Variants in MIAT observed in about 807,000 individuals in gnomAD.
MIAT encodes myocardial infarction associated transcript.
At chr22:26,662,166 A>T (rs576793120) in intron 2 of MIAT, among the ~76,000 whole-genome samples, 26 of 151,960 alleles carry the variant, frequency 1.7e-4, no homozygotes, top group Admixed American at 1.1e-3. Flanking sequence ...TCTGTTACCC[A>T]GGCTGATCGT....
downstream of MIAT, chr22:26,670,376 G>C (rs190927259): frequency 9.8e-5 from 39 of 398,412 alleles, no homozygotes; most frequent in East Asian, 1.1e-3. Context: ...AGCTCACATG[G>C]AGAATCAGAG....
At chr22:26,659,439 T>C (rs1165692754) in intron 2 of MIAT, among the ~76,000 whole-genome samples, 1 of 152,200 alleles carries the variant, frequency 6.6e-6, no homozygotes, top group Admixed American at 6.5e-5. Flanking sequence ...GCCTTAACCC[T>C]ACTCCTTAAC....
At position 26,668,474 on chromosome 22, in the gene MIAT, C is replaced by G. The variant is rs1014929214; in HGVS notation, n.2579C>G. 1.0e-4 allele frequency: 41 copies of G among 398,816 alleles called. No homozygotes were observed. The Admixed American group carries it at 1.1e-3, about 10-fold the overall frequency. 24.7% of individuals were successfully genotyped at this position (398,816 alleles called of 1,614,324 possible). A position where few individuals can be genotyped will look rare whatever the true frequency, so the allele number is the denominator to read the frequency against. On this transcript the variant is annotated non_coding_transcript_exon_variant, in exon 6 of 6. Coordinates refer to ENST00000643270, the Ensembl canonical transcript of MIAT. ...GGCCCTGCCTGCTGGGCCCTATTGT[C>G]TGGGTCTGGGGGCCCTTTCCTGCCC...
chr22:26,655,374 G>C (rs739311), intron 2 of MIAT, among the ~76,000 whole-genome samples: 66,496 of 152,130 alleles, frequency 0.44, 14,647 homozygotes, highest in East Asian at 0.58. Flanking sequence ...CTACCTGAGT[G>C]CCTTACGGTG....
chr22:26,653,066 C>T (rs578029844), intron 2 of MIAT, among the ~76,000 whole-genome samples: 8 of 152,250 alleles, frequency 5.3e-5, no homozygotes, highest in African/African-American at 1.9e-4. Context: ...CTTCTCAAAC[C>T]AAGCATGAAC....
At chr22:26,652,278 T>C (rs77464244) in intron 2 of MIAT, among the ~76,000 whole-genome samples, 5,197 of 152,280 alleles carry the variant, frequency 0.034, 306 homozygotes, top group African/African-American at 0.12. Flanking sequence ...TGACAAAGCG[T>C]TGGAATTACA....
At chr22:26,649,856 T>C (rs1930307051) in intron 2 of MIAT, among the ~76,000 whole-genome samples, 1 of 152,088 alleles carries the variant, frequency 6.6e-6, no homozygotes, top group Admixed American at 6.5e-5. Flanking sequence ...GAGCTTGTAG[T>C]GAGCCGAGAT....
intron 3 of MIAT, among the ~76,000 whole-genome samples, chr22:26,663,709 G>A (rs1930749693): frequency 1.3e-5 from 2 of 152,068 alleles, no homozygotes; most frequent in South Asian, 4.1e-4. Flanking sequence ...ATACAAATGA[G>A]TTTTACAAAA....
downstream of MIAT, chr22:26,674,515 C>T: frequency 5.0e-6 from 2 of 398,784 alleles, no homozygotes; most frequent in South Asian, 1.3e-4. Flanking sequence ...TTGCTTGGGT[C>T]GTTGAATGCT....
At chr22:26,666,886 A>T (rs901909877) in exon 4 of MIAT, 9 of 398,922 alleles carry the variant, frequency 2.3e-5, no homozygotes, top group Non-Finnish European at 3.5e-5. Flanking sequence ...CTGTGTGGGG[A>T]AGGAAGGAGC....
chr22:26,666,755 C>T (rs1360382640), exon 4 of MIAT: 3 of 398,648 alleles, frequency 7.5e-6, no homozygotes, highest in Non-Finnish European at 1.3e-5. Flanking sequence ...TCCCTGGCTC[C>T]TGGTCCTTCT....
At chr22:26,671,071 C>A (rs138045412), downstream of MIAT, 2 of 398,054 alleles carry the variant, frequency 5.0e-6, no homozygotes, top group Non-Finnish European at 8.8e-6. Context: ...AGATCTTTTG[C>A]GGAGAGATGC....
At chr22:26,669,424 C>T in exon 6 of MIAT, 1 of 398,658 alleles carries the variant, frequency 2.5e-6, no homozygotes, top group Middle Eastern at 6.3e-4. Flanking sequence ...ACTATGTCCT[C>T]ACATGGCCTT....
At chr22:26,672,586 C>T (rs531645700), downstream of MIAT, 1 of 398,928 alleles carries the variant, frequency 2.5e-6, no homozygotes, top group East Asian at 3.6e-5. Flanking sequence ...TTTGTGTCCT[C>T]TGGAAGGAAG....
At chr22:26,671,300 G>T (rs1931036363), downstream of MIAT, 1 of 398,656 alleles carries the variant, frequency 2.5e-6, no homozygotes, top group East Asian at 3.6e-5. Context: ...GATGGGGCTG[G>T]GGGGCTTAGA....
chr22:26,653,083 G>T (rs560345555), intron 2 of MIAT, among the ~76,000 whole-genome samples: 7 of 152,296 alleles, frequency 4.6e-5, no homozygotes, highest in African/African-American at 1.7e-4. Flanking sequence ...GAACTGCAAA[G>T]GATGTCCAAC....
chr22:26,668,670 T>G (rs1930939928), exon 6 of MIAT: 1 of 399,090 alleles, frequency 2.5e-6, no homozygotes, highest in Non-Finnish European at 4.4e-6. Context: ...AGAGGGCAGA[T>G]GCAGCTCCTC....
chr22:26,664,307 G>A (rs1221144367), intron 3 of MIAT, among the ~76,000 whole-genome samples: 1 of 152,082 alleles, frequency 6.6e-6, no homozygotes, highest in Non-Finnish European at 1.5e-5. Flanking sequence ...GCGCCCAGCT[G>A]AGGCTCATAC....
In MIAT at chr22:26,655,182, G is replaced by A. The variant is rs1362649737; in HGVS notation, n.646+7871G>A. 3.3e-5 allele frequency among the ~76,000 whole-genome samples: 5 copies of A among 152,180 alleles called. No homozygotes were observed. The East Asian group carries it at 5.8e-4, about 18-fold the overall frequency. On this transcript the variant is annotated intron_variant and non_coding_transcript_variant, in intron 2 of 5. Transcript: ENST00000643270. Reference sequence around the variant, plus strand: ...TAACTCTGTCAGGGTAGGAGGCTGTGTCTAAAGCCTCCTTGGGACTCTCAA... The same window carrying A: ...TAACTCTGTCAGGGTAGGAGGCTGTATCTAAAGCCTCCTTGGGACTCTCAA...
Sources: gnomAD v4.1 joint callset for allele counts (sites outside exome capture counted in the v4.1 genomes callset) on GRCh38, gnomAD v4.1.1 for gene constraint, MANE v1.5 for transcripts, NCBI Gene and HGNC (gene_info 2026-07-23, HGNC 2026-07-21) for gene names.